The following CTNNA3 variants were observed in gnomAD, a reference collection of about 807,000 sequenced individuals.
CTNNA3 encodes the protein catenin alpha-3.
In CTNNA3, 76 loss-of-function variants were observed where a neutral mutation model predicts 95.7. That is an observed-to-expected ratio of 0.79 (90% CI 0.66 to 0.96). The LOEUF (loss-of-function observed/expected upper bound fraction) is 0.96, where lower values mean the gene tolerates loss of function less well. Among genes scored for constraint, CTNNA3 ranks in the 40% least tolerant of loss-of-function variants. The probability of loss-of-function intolerance (pLI) is 0.00; values close to 1 mark genes in which losing one functional copy is unlikely to be tolerated. For synonymous variants in CTNNA3, 431 were observed against 374.4 expected (o/e 1.15, Z -1.74); for missense variants, 1,191 against 1,089.8 (o/e 1.09, Z -1.31).
chr10:67,485,720 G>C (rs1327555119), intron 5 of CTNNA3, among the ~76,000 whole-genome samples: 1 of 152,096 alleles, frequency 6.6e-6, no homozygotes, highest in Admixed American at 6.6e-5. Flanking sequence ...AGGAGTATGT[G>C]GCTTCACTGC....
At chr10:67,525,584 C>T (rs1016869356) in intron 4 of CTNNA3, among the ~76,000 whole-genome samples, 6 of 152,054 alleles carry the variant, frequency 3.9e-5, no homozygotes, top group Non-Finnish European at 8.8e-5. Context: ...AATTATGCAT[C>T]CAATGAGTTC....
chr10:66,101,094 G>A (rs183151954), intron 14 of CTNNA3, among the ~76,000 whole-genome samples: 15 of 152,182 alleles, frequency 9.9e-5, no homozygotes, highest in East Asian at 9.7e-4. Context: ...AGTGAACCAC[G>A]CACCCACTTC....
At chr10:67,552,357 AT>A (rs1035650760) in intron 3 of CTNNA3, among the ~76,000 whole-genome samples, 47 of 151,774 alleles carry the variant, frequency 3.1e-4, no homozygotes, top group African/African-American at 9.7e-4. Context: ...ATGCAATACT[AT>A]TTTTTTTCTT....
intron 9 of CTNNA3, among the ~76,000 whole-genome samples, chr10:66,698,059 T>C (rs1163889863): frequency 2.6e-5 from 4 of 152,194 alleles, no homozygotes; most frequent in Non-Finnish European, 4.4e-5. Context: ...CTTTCAGAGA[T>C]GTATGGAAAC....
intron 15 of CTNNA3, among the ~76,000 whole-genome samples, chr10:66,045,437 A>G (rs768575623): frequency 2.8e-4 from 43 of 152,196 alleles, no homozygotes; most frequent in Non-Finnish European, 5.6e-4. Flanking sequence ...AATGTAGAAC[A>G]TAGGTGAAAA....
intron 2 of CTNNA3, among the ~76,000 whole-genome samples, chr10:67,623,504 G>A (rs186021217): frequency 1.3e-5 from 2 of 152,156 alleles, no homozygotes; most frequent in Non-Finnish European, 2.9e-5. Context: ...AGGCAGGAAA[G>A]AAAAACATGG....
intron 5 of CTNNA3, among the ~76,000 whole-genome samples, chr10:67,274,753 A>G (rs1839126167): frequency 6.6e-6 from 1 of 152,108 alleles, no homozygotes; most frequent in Non-Finnish European, 1.5e-5. Context: ...CCTTGAGCCC[A>G]GGAGGTCAAA....
chr10:66,145,741 T>C (rs1477843513), intron 13 of CTNNA3, among the ~76,000 whole-genome samples: 1 of 152,222 alleles, frequency 6.6e-6, no homozygotes, highest in Non-Finnish European at 1.5e-5. Flanking sequence ...CTTCATTAAG[T>C]GTTTTTTATT....
At chr10:65,941,253 G>C (rs1461941197) in intron 17 of CTNNA3, among the ~76,000 whole-genome samples, 2 of 152,146 alleles carry the variant, frequency 1.3e-5, no homozygotes, top group Admixed American at 6.6e-5. Context: ...TTTGTAACAA[G>C]AGCAGGATCT....
At chr10:67,361,337 G>T (rs1335137735) in intron 5 of CTNNA3, among the ~76,000 whole-genome samples, 1 of 152,060 alleles carries the variant, frequency 6.6e-6, no homozygotes. Flanking sequence ...CTTCTCATCT[G>T]CACACAGAAC....
chr10:67,065,481 G>A (rs893813105), intron 7 of CTNNA3, among the ~76,000 whole-genome samples: 7 of 152,194 alleles, frequency 4.6e-5, no homozygotes, highest in Middle Eastern at 3.4e-3. Context: ...AAAGTATTAT[G>A]ACAGAAACTA....
At chr10:67,298,972 G>A (rs1484298948) in intron 5 of CTNNA3, among the ~76,000 whole-genome samples, 1 of 151,802 alleles carries the variant, frequency 6.6e-6, no homozygotes, top group Non-Finnish European at 1.5e-5. Flanking sequence ...CCAGGCTGGA[G>A]TGCAGTAGTG....
At chr10:66,460,742 T>C (rs1243520746) in intron 11 of CTNNA3, among the ~76,000 whole-genome samples, 1 of 152,150 alleles carries the variant, frequency 6.6e-6, no homozygotes, top group Non-Finnish European at 1.5e-5. Flanking sequence ...TAGTTAAAAT[T>C]TCATCTTCTT....
chr10:67,311,948 C>A (rs376567036), intron 5 of CTNNA3, among the ~76,000 whole-genome samples: 1 of 151,714 alleles, frequency 6.6e-6, no homozygotes, highest in African/African-American at 2.4e-5. Context: ...TTTTTAGTCA[C>A]ACACACACAC....
chr10:66,930,133 A>G (rs1234738289), intron 7 of CTNNA3, among the ~76,000 whole-genome samples: 1 of 152,200 alleles, frequency 6.6e-6, no homozygotes. Context: ...TAAAATTTTA[A>G]GGATGCCAGA....
At chr10:67,415,622 T>C (rs1226590948) in intron 5 of CTNNA3, among the ~76,000 whole-genome samples, 1 of 152,210 alleles carries the variant, frequency 6.6e-6, no homozygotes. Context: ...CTAATGTCAC[T>C]GTTTACAGAA....
chr10:66,002,510 C>G (rs951746816), intron 15 of CTNNA3, among the ~76,000 whole-genome samples: 1 of 152,122 alleles, frequency 6.6e-6, no homozygotes, highest in African/African-American at 2.4e-5. Flanking sequence ...TTCAGAGTAG[C>G]CTAACTGCTA....
intron 17 of CTNNA3, among the ~76,000 whole-genome samples, chr10:65,943,054 C>G (rs2077452832): frequency 6.7e-6 from 1 of 150,042 alleles, no homozygotes; most frequent in Non-Finnish European, 1.5e-5. Flanking sequence ...ATAGTTATGT[C>G]TTTTTTTCTT....
Position 66,701,991 on chromosome 10 carries a change from C to T in CTNNA3, c.1281+64273G>A, listed in dbSNP as rs550066359. 7.2e-5 allele frequency among the ~76,000 whole-genome samples: 11 copies of T among 152,222 alleles called. 1 individual carries two copies. Among genetic ancestry groups the T allele is most frequent in the Admixed American group, 1.3e-4 (2 of 15,296 alleles). On this transcript the variant is annotated intron_variant, in intron 9 of 17. Transcript: ENST00000433211. ...CATCAGAAGGCAAGTGTCAACATCT[C>T]GGCCACCCATATGAGCCATCTGTGG...
Sources: gnomAD v4.1 joint callset for allele counts (sites outside exome capture counted in the v4.1 genomes callset) on GRCh38, gnomAD v4.1.1 for gene constraint, MANE v1.5 for transcripts, NCBI Gene and HGNC (gene_info 2026-07-23, HGNC 2026-07-21) for gene names.